DOCK9: variants seen among roughly 807,000 people sequenced by gnomAD.
The protein encoded by DOCK9 is dedicator of cytokinesis protein 9.
In DOCK9, 89 loss-of-function variants were observed where a neutral mutation model predicts 263.3. The ratio of observed to expected loss-of-function variants is 0.34; its 90% CI spans 0.28 to 0.40. The LOEUF is 0.40. DOCK9 is among the 10% of genes least tolerant of loss of function. The pLI, the probability that DOCK9 is intolerant of heterozygous loss-of-function variation, is 1.00. For missense variants in DOCK9, 2,140 were observed against 2,603.4 expected (o/e 0.82, Z 3.87); for synonymous variants, 976 against 973.1 (o/e 1.00, Z -0.06).
intron 1 of DOCK9, among the ~76,000 whole-genome samples, chr13:99,081,341 T>C (rs2042114470): frequency 6.6e-6 from 1 of 152,138 alleles, no homozygotes; most frequent in Non-Finnish European, 1.5e-5. Context: ...GACACTACCA[T>C]CCCATACCTT....
chr13:98,995,551 C>T (rs1160014368), intron 1 of DOCK9, among the ~76,000 whole-genome samples: 1 of 145,532 alleles, frequency 6.9e-6, no homozygotes, highest in South Asian at 2.2e-4. Flanking sequence ...TACAGTGGCG[C>T]GATCTCGGCT....
intron 38 of DOCK9, among the ~76,000 whole-genome samples, chr13:98,840,414 G>T (rs778622968): frequency 1.3e-5 from 2 of 152,140 alleles, no homozygotes; most frequent in African/African-American, 2.4e-5. Flanking sequence ...CACATGCCCC[G>T]GGATGCTTTA....
intron 1 of DOCK9, among the ~76,000 whole-genome samples, chr13:99,034,257 A>G (rs1887632032): frequency 6.6e-6 from 1 of 152,122 alleles, no homozygotes; most frequent in South Asian, 2.1e-4. Flanking sequence ...CAACATAAGT[A>G]CAGAGTCGGC....
chr13:98,804,820 A>G (rs1336059164), intron 49 of DOCK9, among the ~76,000 whole-genome samples, 179 bp downstream of exon 49: 1 of 152,218 alleles, frequency 6.6e-6, no homozygotes, highest in Non-Finnish European at 1.5e-5. Flanking sequence ...CAACAGATCA[A>G]CAGAAAAACA....
chr13:98,928,443 T>C (rs920562521), intron 3 of DOCK9, among the ~76,000 whole-genome samples: 1 of 152,248 alleles, frequency 6.6e-6, no homozygotes, highest in Non-Finnish European at 1.5e-5. Flanking sequence ...TGTTTAGTTA[T>C]GTTGGCTCCA....
At chr13:98,990,559 G>T (rs149603937) in intron 1 of DOCK9, among the ~76,000 whole-genome samples, 1 of 152,182 alleles carries the variant, frequency 6.6e-6, no homozygotes, top group Non-Finnish European at 1.5e-5. Flanking sequence ...AAAAACATGA[G>T]ACTTCTAGAT....
intron 1 of DOCK9, among the ~76,000 whole-genome samples, chr13:99,019,991 A>G (rs546165366): frequency 6.6e-6 from 1 of 152,314 alleles, no homozygotes; most frequent in African/African-American, 2.4e-5. Flanking sequence ...AGTCCCAGCT[A>G]CTGGGGAGGC....
chr13:98,851,354 G>A (rs1196277804), intron 35 of DOCK9, among the ~76,000 whole-genome samples: 1 of 152,222 alleles, frequency 6.6e-6, no homozygotes, highest in Non-Finnish European at 1.5e-5. Flanking sequence ...GGGGTTTCAA[G>A]TTTAGATTCC....
chr13:98,891,377 C>T (rs1422368191), intron 15 of DOCK9, among the ~76,000 whole-genome samples: 2 of 152,162 alleles, frequency 1.3e-5, no homozygotes, highest in Non-Finnish European at 2.9e-5. Flanking sequence ...ATTGTAGAGA[C>T]ACCTATGAAG....
Position 98,902,978 on chromosome 13 carries a change from A to C in DOCK9, c.1170T>G (p.Thr390=). 1 of 1,510,938 alleles carries C rather than the reference A, an allele frequency of 6.6e-7. No individual in the cohort carries two copies. Among genetic ancestry groups the C allele is most frequent in the Non-Finnish European group, 8.8e-7 (1 of 1,135,404 alleles). The allele number at this position is 1,510,938 out of a possible 1,614,324, so 93.6% of individuals were successfully genotyped here. ...TTTTAAAATGAAAAATTACATTTGTAGTGGGTCCTTCTTCATTTTCGGCAA... is the reference window on the plus strand; with the variant it reads ...TTTTAAAATGAAAAATTACATTTGTCGTGGGTCCTTCTTCATTTTCGGCAA... The part of the protein sequence containing the change: ...CCVAENEEGP[T]TNVEPFFVTL... The change falls in exon 11 of 53, where the codon ACT becomes ACG. Residue 390 remains threonine (T), a synonymous_variant. Coordinates refer to ENST00000682017, the MANE Select transcript of DOCK9 (RefSeq NM_001366683.2).
intron 9 of DOCK9, among the ~76,000 whole-genome samples, chr13:98,909,390 T>C (rs1309405897): frequency 2.0e-5 from 3 of 152,174 alleles, no homozygotes; most frequent in Non-Finnish European, 4.4e-5. Flanking sequence ...GTGTCTTAAA[T>C]TTATTTGCGA....
chr13:98,908,664 C>T (rs2139687617), intron 9 of DOCK9, among the ~76,000 whole-genome samples: 1 of 152,094 alleles, frequency 6.6e-6, no homozygotes, highest in South Asian at 2.1e-4. Context: ...ATTAAAAAAA[C>T]TTAAAAACCT....
chr13:99,054,047 G>A (rs947539490), intron 1 of DOCK9, among the ~76,000 whole-genome samples: 1 of 152,198 alleles, frequency 6.6e-6, no homozygotes, highest in East Asian at 1.9e-4. Context: ...GTGAATTTCT[G>A]CATAGATCAT....
chr13:98,844,933 T>A (rs941732096), intron 38 of DOCK9, among the ~76,000 whole-genome samples: 5 of 152,198 alleles, frequency 3.3e-5, no homozygotes, highest in Non-Finnish European at 7.3e-5. Flanking sequence ...AGACAGCACT[T>A]GGAATAACAA....
At chr13:98,978,335 G>A (rs1326879178), upstream of DOCK9, among the ~76,000 whole-genome samples, 1 of 152,220 alleles carries the variant, frequency 6.6e-6, no homozygotes, top group African/African-American at 2.4e-5. Context: ...AGCTCGTGGA[G>A]CTTAAGAGAC....
chr13:98,964,293 T>C (rs2058979389), intron 1 of DOCK9, among the ~76,000 whole-genome samples: 1 of 152,172 alleles, frequency 6.6e-6, no homozygotes, highest in Non-Finnish European at 1.5e-5. Context: ...TTTGCTGCTT[T>C]CTCCAGCACC....
At chr13:98,872,286 G>A (rs754698939) in intron 27 of DOCK9, among the ~76,000 whole-genome samples, 146 of 152,044 alleles carry the variant, frequency 9.6e-4, no homozygotes, top group Non-Finnish European at 1.4e-3. Context: ...AAAGTAATGG[G>A]GCTGAGAAGA....
intron 45 of DOCK9, among the ~76,000 whole-genome samples, chr13:98,822,355 TACTC>T (rs1194783919): frequency 2.0e-5 from 3 of 152,378 alleles, no homozygotes; most frequent in Admixed American, 1.3e-4. Context: ...CTCAGCCTGT[TACTC>T]AATCAGATGA....
intron 43 of DOCK9, among the ~76,000 whole-genome samples, chr13:98,828,952 C>T (rs1175482736): frequency 2.6e-5 from 4 of 152,162 alleles, no homozygotes; most frequent in East Asian, 1.9e-4. Context: ...GAGAAAGCAA[C>T]ACCTGTCATT....
Sources: allele counts gnomAD v4.1 joint callset (sites outside exome capture counted in the v4.1 genomes callset), GRCh38; gene constraint gnomAD v4.1.1; transcripts MANE v1.5; gene names NCBI Gene and HGNC (gene_info 2026-07-23, HGNC 2026-07-21).